The following CPQ variants were observed in gnomAD, a reference collection of about 807,000 sequenced individuals.
The protein encoded by CPQ is Ser-Met dipeptidase.
In CPQ, 37 loss-of-function variants were observed where a neutral mutation model predicts 45.7. The observed-to-expected ratio is 0.81, with a 90% CI of 0.62 to 1.07. The LOEUF is 1.07. CPQ is among the 50% of genes least tolerant of loss of function. CPQ has a pLI of 0.00. For synonymous variants in CPQ, 186 were observed against 205.8 expected (o/e 0.90, Z 0.82); for missense variants, 537 against 572.9 (o/e 0.94, Z 0.64).
intron 6 of CPQ, among the ~76,000 whole-genome samples, chr8:97,062,754 C>A (rs1042345541): frequency 6.6e-6 from 1 of 152,148 alleles, no homozygotes; most frequent in Non-Finnish European, 1.5e-5. Context: ...ACTTAGTTTG[C>A]TAAGGATAAT....
chr8:96,748,930 A>G (rs1810224600), intron 1 of CPQ, among the ~76,000 whole-genome samples: 1 of 152,134 alleles, frequency 6.6e-6, no homozygotes, highest in South Asian at 2.1e-4. Context: ...TCATTTTTCA[A>G]GACCCAGTAG....
intron 5 of CPQ, among the ~76,000 whole-genome samples, chr8:96,994,826 T>G (rs1420466628): frequency 6.6e-6 from 1 of 152,036 alleles, no homozygotes; most frequent in Admixed American, 6.6e-5. Context: ...ATCGACCTAT[T>G]AATAACATGA....
intron 7 of CPQ, among the ~76,000 whole-genome samples, chr8:97,101,484 CTGTT>C (rs1421556337): frequency 6.6e-6 from 1 of 151,204 alleles, no homozygotes; most frequent in Non-Finnish European, 1.5e-5. Context: ...CTCTCTCTCT[CTGTT>C]TCTCTCCTTA....
chr8:97,091,789 A>T (rs1205568820), intron 7 of CPQ, among the ~76,000 whole-genome samples: 1 of 152,080 alleles, frequency 6.6e-6, no homozygotes, highest in Non-Finnish European at 1.5e-5. Context: ...AATTATAAGG[A>T]AGACCAAAGA....
chr8:96,688,848 TTAA>T (rs1809269186), intron 1 of CPQ, among the ~76,000 whole-genome samples: 1 of 152,162 alleles, frequency 6.6e-6, no homozygotes, highest in African/African-American at 2.4e-5. Flanking sequence ...AATTGCTACC[TTAA>T]TAATAATGTT....
At chr8:96,673,517 A>G (rs546991158) in intron 1 of CPQ, among the ~76,000 whole-genome samples, 47 of 152,216 alleles carry the variant, frequency 3.1e-4, no homozygotes, top group African/African-American at 1.1e-3. Context: ...TTCATCTGAT[A>G]CCGGAAGGGG....
chr8:97,104,219 C>A (rs1195875440), intron 7 of CPQ, among the ~76,000 whole-genome samples: 1 of 152,122 alleles, frequency 6.6e-6, no homozygotes, highest in Non-Finnish European at 1.5e-5. Flanking sequence ...GAAGATCACT[C>A]GACATTTTTG....
At chr8:96,899,509 T>A (rs922759108) in intron 4 of CPQ, among the ~76,000 whole-genome samples, 2 of 152,186 alleles carry the variant, frequency 1.3e-5, no homozygotes, top group African/African-American at 4.8e-5. Flanking sequence ...TGCTGACATC[T>A]GCTCGGCTTC....
At chr8:96,680,800 C>T (rs1321426816) in intron 1 of CPQ, among the ~76,000 whole-genome samples, 17 of 152,064 alleles carry the variant, frequency 1.1e-4, no homozygotes, top group Admixed American at 1.0e-3. Context: ...ATAGCCTTGA[C>T]CAAAATGCTG....
At position 97,143,228 on chromosome 8, in the gene CPQ, T is replaced by G; in HGVS notation, c.*45T>G. 6.2e-7 allele frequency: 1 copy of G among 1,600,508 alleles called. No individual in the cohort carries two copies. The highest frequency in any genetic ancestry group is 8.5e-7 in the Non-Finnish European group (1 of 1,171,584). On this transcript the variant is annotated 3_prime_UTR_variant, in exon 8 of 8. Transcript: ENST00000220763. ...TTTTCATGCTTCTGGCCAGGAATCC[T>G]GGGTCTGCAACTTTGGAAAACTCCT... is the stretch of plus-strand genomic sequence containing the variant.
intron 7 of CPQ, among the ~76,000 whole-genome samples, chr8:97,108,822 A>C (rs1055073146): frequency 2.0e-5 from 3 of 152,208 alleles, no homozygotes; most frequent in Non-Finnish European, 4.4e-5. Context: ...CAATAACATA[A>C]GAGAAAGAGA....
chr8:97,031,077 C>T (rs1239734075), intron 6 of CPQ, among the ~76,000 whole-genome samples: 2 of 151,874 alleles, frequency 1.3e-5, no homozygotes, highest in African/African-American at 4.8e-5. Flanking sequence ...CATATTTAGA[C>T]GTGCGGACTT....
chr8:96,896,679 C>A, intron 4 of CPQ, among the ~76,000 whole-genome samples: 1 of 152,144 alleles, frequency 6.6e-6, no homozygotes, highest in East Asian at 1.9e-4. Context: ...ATGTTTCTCT[C>A]TTCAGAACTT....
At chr8:97,125,301 C>A (rs1176328687) in intron 7 of CPQ, among the ~76,000 whole-genome samples, 2 of 152,148 alleles carry the variant, frequency 1.3e-5, no homozygotes, top group Admixed American at 6.5e-5. Context: ...CTAATTAATT[C>A]TGTGAACCAT....
chr8:96,791,446 C>T (rs1810844243), intron 2 of CPQ, among the ~76,000 whole-genome samples: 1 of 152,110 alleles, frequency 6.6e-6, no homozygotes, highest in Admixed American at 6.6e-5. Flanking sequence ...AACTGGGCCT[C>T]CTCTTTCCTG....
At chr8:97,104,533 T>C (rs1174746036) in intron 7 of CPQ, among the ~76,000 whole-genome samples, 1 of 152,150 alleles carries the variant, frequency 6.6e-6, no homozygotes, top group African/African-American at 2.4e-5. Context: ...TCCAGACAAA[T>C]ACTGTCACAA....
At chr8:96,769,345 C>G (rs570269042) in intron 1 of CPQ, among the ~76,000 whole-genome samples, 58 of 152,266 alleles carry the variant, frequency 3.8e-4, no homozygotes, top group African/African-American at 1.4e-3. Flanking sequence ...GGGCTACCCA[C>G]TTTGTATTTG....
chr8:96,681,935 C>T (rs1306218912), intron 1 of CPQ, among the ~76,000 whole-genome samples: 1 of 152,132 alleles, frequency 6.6e-6, no homozygotes, highest in Non-Finnish European at 1.5e-5. Context: ...GCCAATGTCT[C>T]CCATTTGGAA....
intron 4 of CPQ, among the ~76,000 whole-genome samples, chr8:96,935,014 C>T (rs1020987925): frequency 2.6e-5 from 4 of 152,160 alleles, no homozygotes; most frequent in African/African-American, 9.7e-5. Flanking sequence ...GGATTTTAAA[C>T]GTCAAACACC....
Sources: gnomAD v4.1 joint callset for allele counts (sites outside exome capture counted in the v4.1 genomes callset) on GRCh38, gnomAD v4.1.1 for gene constraint, MANE v1.5 for transcripts, NCBI Gene and HGNC (gene_info 2026-07-23, HGNC 2026-07-21) for gene names.